The following MATN4 variants were observed in gnomAD, a reference collection of about 807,000 sequenced individuals.
MATN4 encodes matrilin-4.
In MATN4, 40 loss-of-function variants were observed where a neutral mutation model predicts 54.6. The observed-to-expected ratio is 0.73, with a 90% CI of 0.57 to 0.95. The LOEUF is 0.95. Among genes scored for constraint, MATN4 ranks in the 40% least tolerant of loss-of-function variants. The pLI is 0.00. For synonymous variants in MATN4, 351 were observed against 345.3 expected (o/e 1.02, Z -0.18); for missense variants, 810 against 819.1 (o/e 0.99, Z 0.13).
At position 45,298,664 on chromosome 20, in the gene MATN4, C is replaced by A. The variant is rs558602382; in HGVS notation, c.1013-81G>T. 1.2e-5 allele frequency: 14 copies of A among 1,151,484 alleles called. No homozygotes were observed. In the Admixed American group the frequency reaches 3.6e-4, roughly 29 times the overall value. 71.3% of individuals were successfully genotyped at this position (1,151,484 alleles called of 1,614,324 possible). On this transcript the variant is annotated intron_variant, in intron 6 of 9. Transcript: ENST00000372756. The surrounding 1 kb of genome is among the most constrained non-coding windows in gnomAD (Gnocchi z 4.6). ...GTCTATCCATCTAGTCGTTCATTCG[C>A]AAACATTTATTATATAACAGACAAC...
At chr20:45,307,238 C>A (rs1986792387) in intron 1 of MATN4, among the ~76,000 whole-genome samples, 1 of 152,124 alleles carries the variant, frequency 6.6e-6, no homozygotes, top group Admixed American at 6.5e-5. Flanking sequence ...GCAGAGAGGG[C>A]CAGCTGCCCC....
intron 9 of MATN4, 36 bp from the exon 10 acceptor site, chr20:45,293,861 G>T (rs923909248): frequency 1.9e-6 from 3 of 1,608,908 alleles, no homozygotes; most frequent in Non-Finnish European, 1.7e-6. Context: ...GTTCGCCGAG[G>T]TCCCTTCACT....
At chr20:45,297,338 G>A (rs1036634461) in intron 8 of MATN4, among the ~76,000 whole-genome samples, 1 of 151,772 alleles carries the variant, frequency 6.6e-6, no homozygotes. Context: ...TGCGATTCAA[G>A]AGTCCCCTTC....
intron 4 of MATN4, 44 bp from the exon 5 acceptor site, chr20:45,301,268 G>GC (rs1464643623): frequency 3.1e-6 from 5 of 1,602,472 alleles, no homozygotes; most frequent in Non-Finnish European, 4.3e-6. Context: ...TCTGATTGGA[G>GC]CCCTCGGAGG....
chr20:45,298,166 CCACCTTCCTCCTTGGCGCG>C lies in MATN4; in HGVS notation c.1411_1426+3del. 6.3e-7 allele frequency: 1 copy of C among 1,595,424 alleles called. No individual in the cohort carries two copies. The highest frequency in any genetic ancestry group is 8.6e-7 in the Non-Finnish European group (1 of 1,166,712). ...CAGCCCACTGTGTCCCATGCCAAGCCCACCTTCCTCCTTGGCGCGCGCTGCCCACACCGAGATGTCATCC... is the reference window on the plus strand; with the variant it reads ...CAGCCCACTGTGTCCCATGCCAAGCCCGCTGCCCACACCGAGATGTCATCC... On this transcript the variant is annotated splice_donor_variant and splice_donor_region_variant and coding_sequence_variant and intron_variant, in exon 7 of 10. Transcript: ENST00000372756. LOFTEE classifies it high-confidence loss of function. The surrounding 1 kb of genome is among the most constrained non-coding windows in gnomAD (Gnocchi z 4.6).
In MATN4 at chr20:45,304,511, G is replaced by A. The variant is rs1292540906; in HGVS notation, c.360C>T (p.Ala120=). 7 of 1,588,874 alleles carry A rather than the reference G, an allele frequency of 4.4e-6. No homozygotes were observed. The African/African-American group carries it at 9.4e-5, about 21-fold the overall frequency. The change falls in exon 3 of 10, where the codon GCC becomes GCT. Residue 120 remains alanine, a synonymous_variant. Coordinates refer to ENST00000372756, the MANE Select transcript of MATN4 (RefSeq NM_001393530.1). ...CGGCCACACTGAAGGCCACGTTCAT[G>A]GCGTACTGGATTGCCAGTCCCGTCA... ...GTMTGLAIQY[A]MNVAFSVAEG... is the part of the protein sequence containing the mutation.
At chr20:45,306,324 A>C (rs1986666316) in intron 1 of MATN4, among the ~76,000 whole-genome samples, 2 of 152,190 alleles carry the variant, frequency 1.3e-5, no homozygotes, top group South Asian at 4.1e-4. Flanking sequence ...TGGTACCCAA[A>C]GTCATTCGGC....
Position 45,304,331 on chromosome 20 carries a change from G to A in MATN4, c.540C>T (p.Ser180=). 1 of 1,516,456 alleles carries A rather than the reference G, an allele frequency of 6.6e-7. No homozygotes were observed. Among genetic ancestry groups the A allele is most frequent in the Non-Finnish European group, 8.8e-7 (1 of 1,133,902 alleles). The allele number at this position is 1,516,456 out of a possible 1,614,324, so 93.9% of individuals were successfully genotyped here. A position where few individuals can be genotyped will look rare whatever the true frequency, so the allele number is the denominator to read the frequency against. ...AVGVQRADVG[S]LRAMASPPLD... ...GCGGGGGCGATGCCATGGCGCGCAGGGAGCCCACGTCCGCGCGCTGCACCC... is the reference window on the plus strand; with the variant it reads ...GCGGGGGCGATGCCATGGCGCGCAGAGAGCCCACGTCCGCGCGCTGCACCC... Residue 180 remains serine (S), a synonymous_variant, in exon 3 of 10, where the codon TCC becomes TCT. Coordinates refer to ENST00000372756, the MANE Select transcript of MATN4 (RefSeq NM_001393530.1).
chr20:45,308,085 G>A, intron 1 of MATN4, 90 bp downstream of exon 1: 2 of 1,244,568 alleles, frequency 1.6e-6, no homozygotes, highest in Middle Eastern at 3.8e-4. Flanking sequence ...GGCACCCTAG[G>A]CAGCGTCTCT....
At chr20:45,301,625 A>G (rs1986238205) in intron 3 of MATN4, among the ~76,000 whole-genome samples, 182 bp from the exon 4 acceptor site, 1 of 152,212 alleles carries the variant, frequency 6.6e-6, no homozygotes, top group Admixed American at 6.5e-5. Flanking sequence ...AGGTTTGGCC[A>G]CTTTACCTAT....
In MATN4 at chr20:45,304,763, C is replaced by T. The variant is rs1474065689; in HGVS notation, c.108G>A (p.Val36=). The stretch of plus-strand genomic sequence containing the variant: ...CGCTGCGGGAGCTGTCAATCACGAA[C>T]ACCAGATCCAGGGGCCCAGTGTGAC... ...PRCHTGPLDL[V]FVIDSSRSVR... is the part of the protein sequence containing the mutation. The change falls in exon 3 of 10, where the codon GTG becomes GTA. Residue 36 remains valine (V), a synonymous_variant. Transcript: ENST00000372756. 3.0e-5 allele frequency: 48 copies of T among 1,594,822 alleles called. No individual in the cohort carries two copies. The highest frequency in any genetic ancestry group is 4.0e-5 in the Non-Finnish European group (47 of 1,165,934).
rs374023769 is a variant in MATN4 at position 45,304,026 on chromosome 20, G to GA, written c.643+201dup. Among the ~76,000 whole-genome samples the GA allele has an allele frequency of 3.1e-3, 474 of 152,306 alleles. 4 individuals carry two copies. Among genetic ancestry groups the GA allele is most frequent in the African/African-American group, 0.01 (435 of 41,558 alleles). On this transcript the variant is annotated intron_variant, in intron 3 of 9. Transcript: ENST00000372756. Reference sequence around the variant, plus strand: ...TGGTAAGCTGTGGCGGGTAGGGCAAGAAATTATAGGTTGCTCCTTGTTGAT... The same window carrying GA: ...TGGTAAGCTGTGGCGGGTAGGGCAAGAAAATTATAGGTTGCTCCTTGTTGAT...
intron 8 of MATN4, among the ~76,000 whole-genome samples, chr20:45,295,215 C>CT (rs2145638208): frequency 6.6e-6 from 1 of 152,276 alleles, no homozygotes; most frequent in South Asian, 2.1e-4. Flanking sequence ...CTGCCTGGTG[C>CT]CAAAAAGGTT....
At chr20:45,303,304 C>T in intron 3 of MATN4, 1 of 667,046 alleles carries the variant, frequency 1.5e-6, no homozygotes. Context: ...AAGGCCCTTC[C>T]AGACTCATTG....
chr20:45,302,878 T>C (rs1352662548), intron 3 of MATN4, among the ~76,000 whole-genome samples: 1 of 151,182 alleles, frequency 6.6e-6, no homozygotes, highest in East Asian at 1.9e-4. Flanking sequence ...AGGTCAGGAG[T>C]TCGAGACCAG....
intron 2 of MATN4, 53 bp downstream of exon 2, chr20:45,305,457 G>A: frequency 7.1e-7 from 1 of 1,399,124 alleles, no homozygotes. Flanking sequence ...TGCAGAGGGA[G>A]GACCTGCTTC....
At chr20:45,306,972 G>A (rs925029910) in intron 1 of MATN4, 25 of 1,246,474 alleles carry the variant, frequency 2.0e-5, no homozygotes, top group Non-Finnish European at 2.5e-5. Context: ...CGAGGCCCCG[G>A]AGACGCCCCG....
intron 6 of MATN4, among the ~76,000 whole-genome samples, chr20:45,300,557 A>G (rs1986157763): frequency 6.6e-6 from 1 of 151,778 alleles, no homozygotes; most frequent in Non-Finnish European, 1.5e-5. Flanking sequence ...TGATTTCATT[A>G]TTCATTAATG....
chr20:45,305,805 C>CTTTTTTT (rs758735302), intron 1 of MATN4, among the ~76,000 whole-genome samples, 189 bp from the exon 2 acceptor site: 1,447 of 64,590 alleles, frequency 0.022, 421 homozygotes, highest in African/African-American at 0.057. Flanking sequence ...ACAAGAGATT[C>CTTTTTTT]TTTTTTTTTT....
Sources: allele counts gnomAD v4.1 joint callset (sites outside exome capture counted in the v4.1 genomes callset), GRCh38; gene constraint gnomAD v4.1.1; non-coding constraint Gnocchi (gnomAD v3.1); transcripts MANE v1.5; gene names NCBI Gene and HGNC (gene_info 2026-07-23, HGNC 2026-07-21).